The following IGSF10 variants were observed in gnomAD, a reference collection of about 807,000 sequenced individuals.
The protein encoded by IGSF10 is calvaria mechanical force protein 608.
IGSF10 carries 126 observed loss-of-function variants against 128.2 expected under a neutral mutation model. The ratio of observed to expected loss-of-function variants is 0.98; its 90% CI spans 0.85 to 1.14. The LOEUF (loss-of-function observed/expected upper bound fraction) is 1.14. Ranked by LOEUF, IGSF10 falls within the 50% of genes most tolerant of loss-of-function variation. IGSF10 has a pLI of 0.00. For missense variants in IGSF10, 3,295 were observed against 3,149.8 expected (o/e 1.05, Z -1.10); for synonymous variants, 1,185 against 1,146.2 (o/e 1.03, Z -0.68).
chr3:151,511,741 C>A, the IGSF10 span, among the ~76,000 whole-genome samples: 1 of 151,906 alleles, frequency 6.6e-6, no homozygotes, highest in South Asian at 2.1e-4. Context: ...CAGAGACACA[C>A]ATGCTCAAAA....
At chr3:151,520,407 C>T in the IGSF10 span, among the ~76,000 whole-genome samples, 3 of 151,644 alleles carry the variant, frequency 2.0e-5, no homozygotes, top group Non-Finnish European at 3.0e-5. Flanking sequence ...GTAAAGCAGA[C>T]AAAACTGATA....
intron 6 of IGSF10, among the ~76,000 whole-genome samples, chr3:151,444,091 T>C (rs1399231790): frequency 2.0e-5 from 3 of 152,062 alleles, no homozygotes; most frequent in Non-Finnish European, 2.9e-5. Flanking sequence ...CCTGGAAACA[T>C]AGTGAGACCC....
At chr3:151,547,895 T>C in the IGSF10 span, among the ~76,000 whole-genome samples, 1 of 152,216 alleles carries the variant, frequency 6.6e-6, no homozygotes, top group African/African-American at 2.4e-5. Flanking sequence ...CTATACAACT[T>C]CCAGTTTTAC....
chr3:151,598,985 A>G, the IGSF10 span, among the ~76,000 whole-genome samples: 2 of 152,216 alleles, frequency 1.3e-5, no homozygotes, highest in Admixed American at 1.3e-4. Context: ...CAATGGTAGT[A>G]AATATAATCA....
chr3:151,483,492 G>A, the IGSF10 span, among the ~76,000 whole-genome samples: 1 of 152,236 alleles, frequency 6.6e-6, no homozygotes, highest in East Asian at 1.9e-4. Flanking sequence ...AATCACAAAT[G>A]TAGAAAAGAA....
chr3:151,434,077 A>AT (rs1490698221), downstream of IGSF10: 2 of 152,502 alleles, frequency 1.3e-5, no homozygotes, highest in Non-Finnish European at 2.9e-5. Flanking sequence ...GAATGTGAAA[A>AT]TTGCAGGGCA....
intron 5 of IGSF10, among the ~76,000 whole-genome samples, chr3:151,452,609 T>G (rs1184375110): frequency 5.3e-5 from 8 of 152,164 alleles, no homozygotes; most frequent in African/African-American, 1.9e-4. Flanking sequence ...CATATGTATA[T>G]GTACATATGA....
upstream of IGSF10, among the ~76,000 whole-genome samples, chr3:151,462,946 G>T (rs797009122): frequency 6.6e-6 from 1 of 152,178 alleles, no homozygotes; most frequent in Non-Finnish European, 1.5e-5. Context: ...TTCTCCCAAA[G>T]CTCCTTGGTG....
the IGSF10 span, among the ~76,000 whole-genome samples, chr3:151,479,787 A>G: frequency 6.6e-6 from 1 of 152,020 alleles, no homozygotes; most frequent in African/African-American, 2.4e-5. Context: ...GCAAACAGAC[A>G]CATTTAACTA....
chr3:151,489,357 G>A, the IGSF10 span, among the ~76,000 whole-genome samples: 2 of 152,130 alleles, frequency 1.3e-5, no homozygotes, highest in East Asian at 1.9e-4. Flanking sequence ...GAAATAGAAC[G>A]CTTTTACACT....
the IGSF10 span, among the ~76,000 whole-genome samples, chr3:151,560,025 G>A: frequency 2.0e-5 from 3 of 152,092 alleles, no homozygotes; most frequent in East Asian, 1.9e-4. Flanking sequence ...CCAATCCAGA[G>A]CTAGATGCAA....
At chr3:151,497,368 G>T in the IGSF10 span, among the ~76,000 whole-genome samples, 7 of 152,116 alleles carry the variant, frequency 4.6e-5, no homozygotes, top group Non-Finnish European at 1.0e-4. Flanking sequence ...TGTAAGGAAG[G>T]GATCCAGTTT....
the IGSF10 span, among the ~76,000 whole-genome samples, chr3:151,499,316 T>A: frequency 6.6e-6 from 1 of 152,180 alleles, no homozygotes. Flanking sequence ...ACATTGAGAA[T>A]ACTTAATTTA....
chr3:151,495,325 G>A, the IGSF10 span, among the ~76,000 whole-genome samples: 1 of 152,142 alleles, frequency 6.6e-6, no homozygotes, highest in Admixed American at 6.6e-5. Flanking sequence ...GAGAAGGTCA[G>A]TTGCAAAGTA....
chr3:151,493,288 C>G, the IGSF10 span, among the ~76,000 whole-genome samples: 9 of 152,074 alleles, frequency 5.9e-5, no homozygotes, highest in African/African-American at 2.2e-4. Flanking sequence ...TTTAGCTGCT[C>G]TTGTCACTAA....
the IGSF10 span, among the ~76,000 whole-genome samples, chr3:151,504,333 A>T: frequency 1.3e-5 from 2 of 152,186 alleles, no homozygotes; most frequent in African/African-American, 2.4e-5. Context: ...TTCATCATAG[A>T]GTTGGGAATG....
chr3:151,443,741 C>T lies in IGSF10; in HGVS notation c.5206G>A (p.Val1736Ile). 6.2e-7 allele frequency: 1 copy of T among 1,614,158 alleles called. No homozygotes were observed. Among genetic ancestry groups the T allele is most frequent in the Non-Finnish European group, 8.5e-7 (1 of 1,180,028 alleles). ...GGATAGGAAACCACAGACAAGGTGA[C>T]ATGAAGGTGGTCTGTGCCAAACAGA... ...SNLFGTDHLH[V>I]TLSVVSYPPR... Residue 1736 changes from valine (V) to isoleucine (I), a missense_variant, in exon 7 of 8, where the codon GTC (valine) becomes ATC (isoleucine). By Grantham distance (29) the Val-to-Ile change is conservative. Transcript: ENST00000282466.
chr3:151,582,488 G>A, the IGSF10 span, among the ~76,000 whole-genome samples: 52 of 152,028 alleles, frequency 3.4e-4, no homozygotes, highest in African/African-American at 1.2e-3. Context: ...TTATGTAAAT[G>A]GAATAATATA....
At chr3:151,489,092 A>AT in the IGSF10 span, among the ~76,000 whole-genome samples, 4 of 152,236 alleles carry the variant, frequency 2.6e-5, no homozygotes, top group African/African-American at 9.6e-5. Flanking sequence ...AAGGGCTAAT[A>AT]TCCAGAATCT....
Sources: gnomAD v4.1 joint callset for allele counts (sites outside exome capture counted in the v4.1 genomes callset) on GRCh38, gnomAD v4.1.1 for gene constraint, MANE v1.5 for transcripts, NCBI Gene and HGNC (gene_info 2026-07-23, HGNC 2026-07-21) for gene names.